Variants in OSBPL10 observed in about 807,000 individuals in gnomAD.
The protein encoded by OSBPL10 is oxysterol binding protein like 10, also known as oxysterol-binding protein-related protein 10.
Under a neutral mutation model 81.7 loss-of-function variants are expected in OSBPL10, and 49 were observed. The ratio of observed to expected loss-of-function variants is 0.60; its 90% confidence interval spans 0.48 to 0.76. The LOEUF is 0.76. Among genes scored for constraint, OSBPL10 ranks in the 30% least tolerant of loss-of-function variants. The pLI, the probability that OSBPL10 is intolerant of heterozygous loss-of-function variation, is 0.00. For missense variants in OSBPL10, 923 were observed against 987.8 expected, an observed-to-expected ratio of 0.93 and a Z score of 0.88; for synonymous variants, 419 against 383.6, an observed-to-expected ratio of 1.09 and a Z score of -1.08.
At chr3:31,781,284 A>C (rs141247755) in intron 4 of OSBPL10, among the ~76,000 whole-genome samples, 105 of 152,328 alleles carry the variant, frequency 6.9e-4, no homozygotes, top group African/African-American at 2.5e-3. Context: ...TTAAAACCCT[A>C]AACAAAACTG....
intron 5 of OSBPL10, among the ~76,000 whole-genome samples, chr3:31,733,709 T>C (rs1697051915): frequency 1.2e-5 from 1 of 80,574 alleles, no homozygotes; most frequent in Admixed American, 1.4e-4. Context: ...TTTTTTTTTT[T>C]TTGAACTTTT....
chr3:32,058,710 T>A (rs1490173621), intron 1 of OSBPL10, among the ~76,000 whole-genome samples: 2 of 152,160 alleles, frequency 1.3e-5, no homozygotes, highest in Admixed American at 1.3e-4. Context: ...CTCTGTCGCC[T>A]AGGCTGGAAT....
At chr3:31,702,965 G>T (rs763387524) in intron 6 of OSBPL10, among the ~76,000 whole-genome samples, 1 of 152,120 alleles carries the variant, frequency 6.6e-6, no homozygotes, top group Non-Finnish European at 1.5e-5. Flanking sequence ...GGAAAAACGT[G>T]CTCTAAGACT....
At chr3:32,074,173 C>G (rs4955236) in intron 1 of OSBPL10, among the ~76,000 whole-genome samples, 104,441 of 151,958 alleles carry the variant, frequency 0.69, 38,499 homozygotes, top group East Asian at 0.89. Flanking sequence ...CTCACTTTAC[C>G]CGCCTGAGGA....
intron 5 of OSBPL10, among the ~76,000 whole-genome samples, chr3:31,744,377 C>A (rs752684014): frequency 4.0e-5 from 6 of 151,778 alleles, no homozygotes; most frequent in African/African-American, 9.7e-5. Flanking sequence ...CCGGTCCTTA[C>A]TAAAAATACA....
chr3:31,741,637 A>G (rs993625795), intron 5 of OSBPL10, among the ~76,000 whole-genome samples: 1 of 152,222 alleles, frequency 6.6e-6, no homozygotes, highest in Admixed American at 6.5e-5. Flanking sequence ...TAAAAAATAA[A>G]CACTTATCTG....
intron 1 of OSBPL10, among the ~76,000 whole-genome samples, chr3:31,966,153 A>G (rs1036327993): frequency 3.7e-5 from 5 of 134,894 alleles, no homozygotes; most frequent in South Asian, 2.4e-4. Flanking sequence ...CAACAAAATT[A>G]TGTGTGTGTG....
chr3:31,773,448 G>A (rs934730027), intron 4 of OSBPL10, among the ~76,000 whole-genome samples: 39 of 152,162 alleles, frequency 2.6e-4, no homozygotes, highest in African/African-American at 9.2e-4. Flanking sequence ...GGCTTATGAG[G>A]AATGAATTTG....
At position 31,858,133 on chromosome 3, in the gene OSBPL10, T is replaced by A. The variant is rs956838766; in HGVS notation, c.537+18300A>T. Among the ~76,000 whole-genome samples the A allele has an allele frequency of 1.3e-4, 19 of 151,730 alleles. No individual in the cohort carries two copies. The East Asian group carries it at 2.2e-3, about 17-fold the overall frequency. ...CATCTCAGCCTCCCGAGTATCTAGC[T>A]GGAACTACAGGAGCACGCCACCACA... On this transcript the variant is annotated intron_variant, in intron 3 of 11. Coordinates refer to ENST00000396556, the MANE Select transcript of OSBPL10 (RefSeq NM_017784.5).
At chr3:31,849,865 CCTT>C (rs1488089623) in intron 3 of OSBPL10, among the ~76,000 whole-genome samples, 1 of 151,982 alleles carries the variant, frequency 6.6e-6, no homozygotes, top group African/African-American at 2.4e-5. Flanking sequence ...TAGTGAGTCT[CCTT>C]CTCTACAAAA....
intron 2 of OSBPL10, among the ~76,000 whole-genome samples, chr3:32,001,953 T>G (rs1035653520): frequency 2.0e-5 from 3 of 152,204 alleles, no homozygotes; most frequent in Non-Finnish European, 4.4e-5. Context: ...AATATCATCT[T>G]CATTTTGAGA....
chr3:31,790,242 T>C (rs1005288781), intron 4 of OSBPL10, among the ~76,000 whole-genome samples: 2 of 152,200 alleles, frequency 1.3e-5, no homozygotes, highest in Non-Finnish European at 2.9e-5. Flanking sequence ...AATGTTTAAA[T>C]ATGGTAATAC....
intron 1 of OSBPL10, among the ~76,000 whole-genome samples, chr3:32,056,371 G>A (rs925328665): frequency 9.9e-5 from 15 of 152,250 alleles, no homozygotes; most frequent in African/African-American, 3.1e-4. Context: ...CATATCAGCC[G>A]GGTTCCAACA....
At chr3:31,883,668 A>T (rs1287379966) in intron 1 of OSBPL10, among the ~76,000 whole-genome samples, 1 of 151,708 alleles carries the variant, frequency 6.6e-6, no homozygotes. Flanking sequence ...AGTAGCTGAG[A>T]TTACAGGCGC....
intron 3 of OSBPL10, among the ~76,000 whole-genome samples, chr3:31,838,372 G>T (rs552192083): frequency 6.6e-6 from 1 of 152,058 alleles, no homozygotes; most frequent in African/African-American, 2.4e-5. Context: ...TTAGCCGGGC[G>T]TGGTGGCGGC....
chr3:31,772,403 A>T (rs1344919947), intron 4 of OSBPL10, among the ~76,000 whole-genome samples: 7 of 152,362 alleles, frequency 4.6e-5, no homozygotes, highest in Admixed American at 4.6e-4. Flanking sequence ...ACCATTGGGG[A>T]AATGTATGTG....
intron 7 of OSBPL10, among the ~76,000 whole-genome samples, chr3:31,693,885 A>G (rs1695632110): frequency 1.3e-5 from 2 of 152,190 alleles, no homozygotes; most frequent in Non-Finnish European, 2.9e-5. Context: ...CTCCTGCCTC[A>G]GCCTCCCCAG....
At chr3:31,892,799 A>T (rs1392702640) in intron 1 of OSBPL10, among the ~76,000 whole-genome samples, 1 of 152,174 alleles carries the variant, frequency 6.6e-6, no homozygotes, top group Non-Finnish European at 1.5e-5. Context: ...ATGCAGTGGG[A>T]AGACCAGGGG....
intron 1 of OSBPL10, among the ~76,000 whole-genome samples, chr3:31,913,074 G>A (rs999069449): frequency 6.6e-6 from 1 of 152,024 alleles, no homozygotes; most frequent in Non-Finnish European, 1.5e-5. Flanking sequence ...CAATCTAACT[G>A]GAATTTCTAA....
Sources: allele counts gnomAD v4.1 joint callset (sites outside exome capture counted in the v4.1 genomes callset), GRCh38; gene constraint gnomAD v4.1.1; transcripts MANE v1.5; gene names NCBI Gene and HGNC (gene_info 2026-07-23, HGNC 2026-07-21).